ANKS1B: variants seen among roughly 807,000 people sequenced by gnomAD.
ANKS1B encodes the protein ankyrin repeat and sterile alpha motif domain-containing protein 1B.
ANKS1B carries 36 observed loss-of-function variants against 148.3 expected under a neutral mutation model. The observed-to-expected ratio is 0.24, with a 90% CI of 0.19 to 0.32. ANKS1B has a LOEUF of 0.32. Ranked by LOEUF, ANKS1B falls within the 10% of genes least tolerant of loss-of-function variation. The probability of loss-of-function intolerance (pLI) is 1.00; values close to 1 mark genes in which losing one functional copy is unlikely to be tolerated. For synonymous variants in ANKS1B, 542 were observed against 560.8 expected, an observed-to-expected ratio of 0.97 and a Z score of 0.47; for missense variants, 1,157 against 1,542.6, an observed-to-expected ratio of 0.75 and a Z score of 4.19.
rs532974938 is a variant in ANKS1B at position 99,030,519 on chromosome 12, T to C, written c.2778+22638A>G. Reference sequence around the variant, plus strand: ...CATCAAATCCAGCTGTAGTTTTTTCTCCCAACTAAGCACATGCAGTACGGT... The same window carrying C: ...CATCAAATCCAGCTGTAGTTTTTTCCCCCAACTAAGCACATGCAGTACGGT... On this transcript the variant is annotated intron_variant, in intron 17 of 26. Transcript: ENST00000683438. Among the ~76,000 whole-genome samples, 48 of 151,692 alleles carry C rather than the reference T, an allele frequency of 3.2e-4. 1 individual carries two copies. Among genetic ancestry groups the C allele is most frequent in the Non-Finnish European group, 5.2e-4 (35 of 67,958 alleles).
intron 9 of ANKS1B, chr12:99,649,138 G>C: frequency 2.9e-6 from 2 of 678,752 alleles, no homozygotes; most frequent in East Asian, 2.6e-5. Context: ...GTTGTAGGAC[G>C]TGTCTCCCTG....
intron 11 of ANKS1B, among the ~76,000 whole-genome samples, chr12:99,414,764 T>A (rs1303555554): frequency 6.6e-6 from 1 of 152,168 alleles, no homozygotes; most frequent in Non-Finnish European, 1.5e-5. Context: ...CAAACCACCA[T>A]AGCACATGTA....
intron 16 of ANKS1B, among the ~76,000 whole-genome samples, chr12:99,055,888 A>T (rs1001804333): frequency 2.0e-5 from 3 of 152,240 alleles, no homozygotes; most frequent in Non-Finnish European, 4.4e-5. Context: ...TGGAAAATAA[A>T]AAAATAAAAT....
chr12:99,786,952 T>C (rs1474354713), intron 4 of ANKS1B, among the ~76,000 whole-genome samples: 1 of 152,078 alleles, frequency 6.6e-6, no homozygotes, highest in Non-Finnish European at 1.5e-5. Flanking sequence ...ATAATACATA[T>C]GTGATAAATA....
chr12:99,609,970 G>A (rs931667122), intron 9 of ANKS1B, among the ~76,000 whole-genome samples: 2 of 152,012 alleles, frequency 1.3e-5, no homozygotes, highest in Non-Finnish European at 2.9e-5. Flanking sequence ...GTTGTCCTAG[G>A]ATCTCACCTG....
At chr12:99,390,693 G>A (rs2094030934) in intron 12 of ANKS1B, among the ~76,000 whole-genome samples, 1 of 152,212 alleles carries the variant, frequency 6.6e-6, no homozygotes, top group African/African-American at 2.4e-5. Flanking sequence ...AGTTCCCTGT[G>A]GTAAGGACTA....
chr12:99,126,657 T>C (rs2064445363), intron 15 of ANKS1B, among the ~76,000 whole-genome samples: 2 of 152,214 alleles, frequency 1.3e-5, no homozygotes, highest in South Asian at 2.1e-4. Flanking sequence ...AGGCCTGGAC[T>C]CTTCTACGCC....
intron 15 of ANKS1B, among the ~76,000 whole-genome samples, chr12:99,151,624 T>C (rs2074956629): frequency 6.6e-6 from 1 of 152,082 alleles, no homozygotes; most frequent in Non-Finnish European, 1.5e-5. Context: ...AAGATAATAA[T>C]AGCTATGGAG....
At chr12:99,271,787 G>A (rs964228955) in intron 12 of ANKS1B, among the ~76,000 whole-genome samples, 24 of 151,090 alleles carry the variant, frequency 1.6e-4, no homozygotes, top group African/African-American at 5.9e-4. Flanking sequence ...GGACCTGTTG[G>A]TGGGGAAGAA....
chr12:99,411,000 C>G (rs900118916), intron 11 of ANKS1B, among the ~76,000 whole-genome samples: 1 of 152,230 alleles, frequency 6.6e-6, no homozygotes, highest in African/African-American at 2.4e-5. Flanking sequence ...TCCCCACACT[C>G]ATGGTCTCAC....
intron 1 of ANKS1B, among the ~76,000 whole-genome samples, chr12:99,932,446 G>A (rs1239523000): frequency 6.6e-6 from 1 of 152,060 alleles, no homozygotes; most frequent in African/African-American, 2.4e-5. Flanking sequence ...ATTATTGCCT[G>A]TCTTTTGGAG....
intron 1 of ANKS1B, among the ~76,000 whole-genome samples, chr12:99,857,891 A>C (rs1168083473): frequency 6.6e-6 from 1 of 152,206 alleles, no homozygotes; most frequent in African/African-American, 2.4e-5. Context: ...TAAGCTCAAG[A>C]TGGATCAAAG....
chr12:99,395,136 C>T (rs2094203192), intron 12 of ANKS1B, among the ~76,000 whole-genome samples: 1 of 152,266 alleles, frequency 6.6e-6, no homozygotes, highest in African/African-American at 2.4e-5. Context: ...ATCTTAGCTG[C>T]TTTCCCTCTC....
At position 99,193,805 on chromosome 12, in the gene ANKS1B, T is replaced by A. The variant is rs188265079; in HGVS notation, c.2420-39410A>T. ...TGTATTTCTAGTTCTTTTTTTTTTT[T>A]TTTTTTTTTTTTTTGAGATGGAGTC... On this transcript the variant is annotated intron_variant, in intron 14 of 26. Coordinates refer to ENST00000683438, the MANE Select transcript of ANKS1B (RefSeq NM_001352186.2). Among the ~76,000 whole-genome samples the A allele has an allele frequency of 7.4e-3, 990 of 134,290 alleles. 25 individuals are homozygous for A. Among genetic ancestry groups the A allele is most frequent in the African/African-American group, 0.025 (926 of 36,454 alleles). 88.1% of individuals were successfully genotyped at this position (134,290 alleles called of 152,430 possible).
chr12:99,485,180 C>A (rs148410234), intron 10 of ANKS1B, among the ~76,000 whole-genome samples: 43 of 151,988 alleles, frequency 2.8e-4, no homozygotes, highest in African/African-American at 1.0e-3. Context: ...TTTAGAACAC[C>A]TTTTAGCACT....
chr12:99,902,163 T>C (rs746714965), intron 1 of ANKS1B, among the ~76,000 whole-genome samples: 5 of 152,166 alleles, frequency 3.3e-5, no homozygotes, highest in Non-Finnish European at 7.4e-5. Context: ...ATGTGCAGAA[T>C]TTCAGGATAA....
At chr12:99,459,921 G>T (rs1033467377) in intron 10 of ANKS1B, among the ~76,000 whole-genome samples, 3 of 151,794 alleles carry the variant, frequency 2.0e-5, no homozygotes, top group Admixed American at 1.3e-4. Context: ...AAATTCATAC[G>T]GACCCCAAAA....
chr12:99,512,821 T>C (rs1480317005), intron 9 of ANKS1B, among the ~76,000 whole-genome samples: 2 of 152,030 alleles, frequency 1.3e-5, no homozygotes, highest in African/African-American at 2.4e-5. Flanking sequence ...AAATACCACA[T>C]GTTCTCACTT....
intron 8 of ANKS1B, among the ~76,000 whole-genome samples, chr12:99,753,502 T>C (rs1342407154): frequency 6.6e-6 from 1 of 152,150 alleles, no homozygotes; most frequent in Non-Finnish European, 1.5e-5. Context: ...GTATCACTGC[T>C]CTGTATACTT....
Sources: allele counts gnomAD v4.1 joint callset (sites outside exome capture counted in the v4.1 genomes callset), GRCh38; gene constraint gnomAD v4.1.1; transcripts MANE v1.5; gene names NCBI Gene and HGNC (gene_info 2026-07-23, HGNC 2026-07-21).